The following NAALADL2 variants were observed in gnomAD, a reference collection of about 807,000 sequenced individuals.
NAALADL2 encodes the protein N-acetylated alpha-linked acidic dipeptidase like 2, also known as inactive N-acetylated-alpha-linked acidic dipeptidase-like protein 2.
Under a neutral mutation model 87.2 loss-of-function variants are expected in NAALADL2, and 76 were observed. The ratio of observed to expected loss-of-function variants is 0.87; its 90% confidence interval spans 0.72 to 1.05. The LOEUF is 1.05. Ranked by LOEUF, NAALADL2 falls within the 50% of genes least tolerant of loss-of-function variation. The pLI, the probability that NAALADL2 is intolerant of heterozygous loss-of-function variation, is 0.00. For synonymous variants in NAALADL2, 354 were observed against 331.0 expected (o/e 1.07, Z -0.75); for missense variants, 1,089 against 945.8 (o/e 1.15, Z -1.99).
Position 175,020,966 on chromosome 3 carries a change from TGAG to T in NAALADL2, c.44-75817_44-75815del, listed in dbSNP as rs1751482390. On this transcript the variant is annotated intron_variant, in intron 1 of 13. Transcript: ENST00000454872. ...CAAAATTATAATGCATTTTGTCTTCTGAGGAGGAGAGACTGTCATTTTCAGAAT... is the reference window on the plus strand; with the variant it reads ...CAAAATTATAATGCATTTTGTCTTCTGAGGAGAGACTGTCATTTTCAGAAT... 3.3e-5 allele frequency among the ~76,000 whole-genome samples: 5 copies of T among 152,178 alleles called. No homozygotes were observed. In the South Asian group the frequency reaches 8.3e-4, roughly 25 times the overall value.
intron 2 of NAALADL2, among the ~76,000 whole-genome samples, chr3:174,625,503 T>G (rs1370519006): frequency 6.6e-6 from 1 of 151,978 alleles, no homozygotes; most frequent in African/African-American, 2.4e-5. Flanking sequence ...CATTTTCTTT[T>G]TGTAAAATAA....
chr3:175,600,360 G>A (rs1302930089), intron 10 of NAALADL2, among the ~76,000 whole-genome samples: 1 of 151,550 alleles, frequency 6.6e-6, no homozygotes, highest in Non-Finnish European at 1.5e-5. Flanking sequence ...TGTCTTTTAA[G>A]GTATAAACTA....
chr3:175,394,522 A>T (rs989441602), intron 5 of NAALADL2, among the ~76,000 whole-genome samples: 11 of 152,348 alleles, frequency 7.2e-5, no homozygotes, highest in Admixed American at 3.9e-4. Context: ...GATATTTTTT[A>T]AAAAAGATAC....
intron 2 of NAALADL2, among the ~76,000 whole-genome samples, chr3:174,593,602 T>C (rs956040647): frequency 6.6e-6 from 1 of 152,196 alleles, no homozygotes; most frequent in African/African-American, 2.4e-5. Context: ...GTAATGCTTC[T>C]TATTTAGAGA....
intron 2 of NAALADL2, among the ~76,000 whole-genome samples, chr3:174,625,050 T>TCC (rs1721415459): frequency 5.9e-5 from 5 of 85,436 alleles, no homozygotes; most frequent in African/African-American, 6.4e-5. Context: ...GCTATCTCTC[T>TCC]CTCTCTCTTT....
chr3:175,105,499 GT>G, intron 2 of NAALADL2, among the ~76,000 whole-genome samples: 1 of 143,292 alleles, frequency 7.0e-6, no homozygotes, highest in African/African-American at 2.6e-5. Flanking sequence ...GTATGTGTGT[GT>G]ATATTTATAT....
At chr3:175,384,546 A>G (rs567083854) in intron 5 of NAALADL2, among the ~76,000 whole-genome samples, 1 of 152,102 alleles carries the variant, frequency 6.6e-6, no homozygotes, top group African/African-American at 2.4e-5. Flanking sequence ...AAAAGTAGTC[A>G]TACACTTTAG....
At chr3:174,666,257 C>T (rs529228368) in intron 2 of NAALADL2, among the ~76,000 whole-genome samples, 2 of 152,176 alleles carry the variant, frequency 1.3e-5, no homozygotes, top group Non-Finnish European at 2.9e-5. Flanking sequence ...TTGAGCTAGG[C>T]CTGTGCAGTA....
chr3:174,771,940 C>T (rs769638934), intron 3 of NAALADL2, among the ~76,000 whole-genome samples: 4 of 152,140 alleles, frequency 2.6e-5, no homozygotes, highest in Non-Finnish European at 5.9e-5. Context: ...CATTCTTACT[C>T]TTATCAAACA....
intron 2 of NAALADL2, among the ~76,000 whole-genome samples, chr3:174,558,571 G>A (rs1413306176): frequency 6.6e-6 from 1 of 152,058 alleles, no homozygotes; most frequent in East Asian, 1.9e-4. Context: ...TCTCACATGT[G>A]CAGTTCACAA....
intron 1 of NAALADL2, among the ~76,000 whole-genome samples, chr3:174,519,038 A>G (rs544173423): frequency 6.6e-6 from 1 of 152,172 alleles, no homozygotes; most frequent in African/African-American, 2.4e-5. Context: ...GTATTTCTTT[A>G]TCTCTCTTTC....
chr3:175,390,161 G>T (rs1444643523), intron 5 of NAALADL2, among the ~76,000 whole-genome samples: 1 of 151,924 alleles, frequency 6.6e-6, no homozygotes, highest in Non-Finnish European at 1.5e-5. Flanking sequence ...ATTTAAAAGT[G>T]TTCAGGTAAT....
At chr3:174,867,893 T>C (rs1176916336) in intron 1 of NAALADL2, among the ~76,000 whole-genome samples, 1 of 152,082 alleles carries the variant, frequency 6.6e-6, no homozygotes. Flanking sequence ...CCTCATTTTC[T>C]CTAGTTCTGT....
chr3:175,754,093 A>G (rs1184401125), intron 12 of NAALADL2, among the ~76,000 whole-genome samples: 1 of 152,190 alleles, frequency 6.6e-6, no homozygotes, highest in Non-Finnish European at 1.5e-5. Flanking sequence ...TGACATGATA[A>G]GAGAGTGATT....
In NAALADL2 at chr3:175,647,274, T is replaced by C. The variant is rs550759422; in HGVS notation, c.1896+19888T>C. On this transcript the variant is annotated intron_variant, in intron 11 of 13. Coordinates refer to ENST00000454872, the MANE Select transcript of NAALADL2 (RefSeq NM_207015.3). ...AGTAGTTTTAGTGGTAATTGACAATTTTTGCCAGAATTACTAGTTTGGGTT... is the reference window on the plus strand; with the variant it reads ...AGTAGTTTTAGTGGTAATTGACAATCTTTGCCAGAATTACTAGTTTGGGTT... 4.1e-4 allele frequency among the ~76,000 whole-genome samples: 62 copies of C among 152,250 alleles called. 2 individuals carry two copies. The South Asian group carries it at 0.013, about 32-fold the overall frequency.
chr3:174,865,976 T>C (rs1170736615), intron 1 of NAALADL2, among the ~76,000 whole-genome samples: 1 of 151,892 alleles, frequency 6.6e-6, no homozygotes, highest in Non-Finnish European at 1.5e-5. Context: ...AATGTAACAG[T>C]TAAAATTTGT....
At chr3:174,544,771 G>A (rs1296053899) in intron 1 of NAALADL2, among the ~76,000 whole-genome samples, 1 of 151,396 alleles carries the variant, frequency 6.6e-6, no homozygotes, top group Non-Finnish European at 1.5e-5. Flanking sequence ...GAGTTTCACC[G>A]TGTTGGCCAG....
chr3:174,940,472 T>C (rs1438432994), intron 1 of NAALADL2, among the ~76,000 whole-genome samples: 1 of 152,170 alleles, frequency 6.6e-6, no homozygotes, highest in East Asian at 1.9e-4. Context: ...TGAAATTTTC[T>C]TTTTTCATTT....
At position 175,530,497 on chromosome 3, in the gene NAALADL2, C is replaced by T. The variant is rs1457718053; in HGVS notation, c.1654-45544C>T. 2.0e-5 allele frequency among the ~76,000 whole-genome samples: 3 copies of T among 152,188 alleles called. No individual in the cohort carries two copies. The East Asian group carries it at 5.8e-4, about 29-fold the overall frequency. On this transcript the variant is annotated intron_variant, in intron 9 of 13. Coordinates refer to ENST00000454872, the MANE Select transcript of NAALADL2 (RefSeq NM_207015.3). ...CCACTGGGAAGATTTCCCTTCATTG[C>T]TGTCCTTCAGGAATGTCCTAGAAAA...
Sources: gnomAD v4.1 joint callset for allele counts (sites outside exome capture counted in the v4.1 genomes callset) on GRCh38, gnomAD v4.1.1 for gene constraint, MANE v1.5 for transcripts, NCBI Gene and HGNC (gene_info 2026-07-23, HGNC 2026-07-21) for gene names.